LAMA2: variants seen among roughly 807,000 people sequenced by gnomAD.
The protein encoded by LAMA2 is laminin subunit alpha 2.
Under a neutral mutation model 364.8 loss-of-function variants are expected in LAMA2, and 269 were observed. The ratio of observed to expected loss-of-function variants is 0.74; its 90% CI spans 0.67 to 0.82. The LOEUF (loss-of-function observed/expected upper bound fraction) is 0.82. LAMA2 is among the 40% of genes least tolerant of loss of function. The pLI, the probability that LAMA2 is intolerant of heterozygous loss-of-function variation, is 0.00. For synonymous variants in LAMA2, 1,379 were observed against 1,370.6 expected (o/e 1.01, Z -0.14); for missense variants, 3,807 against 3,873.2 (o/e 0.98, Z 0.45).
chr6:129,316,311 C>T, intron 27 of LAMA2, 140 bp downstream of exon 27: 1 of 693,952 alleles, frequency 1.4e-6, no homozygotes, highest in East Asian at 2.7e-5. Flanking sequence ...TGGAGGCTTC[C>T]CTGTGACCTG....
At chr6:129,417,498 G>T (rs1780858639) in intron 40 of LAMA2, among the ~76,000 whole-genome samples, 1 of 152,064 alleles carries the variant, frequency 6.6e-6, no homozygotes, top group Non-Finnish European at 1.5e-5. Context: ...CCCAAAAAAA[G>T]CACCATAAGT....
At chr6:129,120,460 G>T (rs1273328182) in intron 4 of LAMA2, among the ~76,000 whole-genome samples, 3 of 152,034 alleles carry the variant, frequency 2.0e-5, no homozygotes, top group Non-Finnish European at 4.4e-5. Context: ...GGTTTTATCA[G>T]GATCAGACTA....
intron 3 of LAMA2, among the ~76,000 whole-genome samples, chr6:129,076,583 C>T (rs1562216974): frequency 6.8e-6 from 1 of 147,806 alleles, no homozygotes; most frequent in Non-Finnish European, 1.5e-5. Context: ...TTTGGAAGCT[C>T]CCACCCTAGC....
chr6:129,032,934 C>T (rs1221389752), intron 1 of LAMA2, among the ~76,000 whole-genome samples: 2 of 152,066 alleles, frequency 1.3e-5, no homozygotes, highest in East Asian at 1.9e-4. Flanking sequence ...GGTGTCCCTT[C>T]GGGTGGGGAT....
At chr6:128,922,352 C>T (rs535493898) in intron 1 of LAMA2, among the ~76,000 whole-genome samples, 12 of 151,706 alleles carry the variant, frequency 7.9e-5, no homozygotes, top group Non-Finnish European at 1.3e-4. Flanking sequence ...TATTTCTCCA[C>T]ATCCTCTCCA....
intron 1 of LAMA2, among the ~76,000 whole-genome samples, chr6:129,049,405 G>A (rs1184236140): frequency 2.0e-5 from 3 of 152,100 alleles, no homozygotes; most frequent in Non-Finnish European, 4.4e-5. Flanking sequence ...GTATTCCAAA[G>A]TAAACATTAT....
intron 1 of LAMA2, among the ~76,000 whole-genome samples, chr6:128,940,397 A>G (rs1780078871): frequency 1.3e-5 from 2 of 152,080 alleles, no homozygotes; most frequent in Admixed American, 1.3e-4. Context: ...CTTCTTTATT[A>G]TAAGCTTTAA....
intron 20 of LAMA2, 64 bp downstream of exon 20, chr6:129,291,784 A>T: frequency 9.3e-7 from 1 of 1,078,106 alleles, no homozygotes. Flanking sequence ...GCTTTTCATG[A>T]CATGTTTTGT....
chr6:129,226,721 C>A (rs887018314), intron 12 of LAMA2, among the ~76,000 whole-genome samples: 1 of 152,080 alleles, frequency 6.6e-6, no homozygotes, highest in Admixed American at 6.6e-5. Context: ...TGATGGGCTT[C>A]CCTTTGAGGG....
intron 37 of LAMA2, among the ~76,000 whole-genome samples, chr6:129,395,013 T>G (rs1779527328): frequency 6.6e-6 from 1 of 152,216 alleles, no homozygotes; most frequent in African/African-American, 2.4e-5. Flanking sequence ...TATTTATGGT[T>G]GCTTAAACCA....
At chr6:129,387,579 C>A (rs1435682261) in intron 35 of LAMA2, among the ~76,000 whole-genome samples, 3 of 152,210 alleles carry the variant, frequency 2.0e-5, no homozygotes, top group Admixed American at 1.3e-4. Context: ...GAATATAAAT[C>A]ATTCTACTCT....
At chr6:129,502,806 A>C in intron 59 of LAMA2, 35 bp downstream of exon 59, 6 of 1,309,398 alleles carry the variant, frequency 4.6e-6, no homozygotes, top group Non-Finnish European at 6.6e-6. Context: ...GAAAGAACCG[A>C]TAAATGAAGA....
At chr6:129,018,242 CTT>C (rs955944893) in intron 1 of LAMA2, among the ~76,000 whole-genome samples, 1 of 151,812 alleles carries the variant, frequency 6.6e-6, no homozygotes, top group Non-Finnish European at 1.5e-5. Context: ...ATTAAAAAGA[CTT>C]TATTAAAATA....
At chr6:129,152,474 G>C (rs1459997012) in intron 7 of LAMA2, among the ~76,000 whole-genome samples, 1 of 152,134 alleles carries the variant, frequency 6.6e-6, no homozygotes, top group Non-Finnish European at 1.5e-5. Flanking sequence ...TTACCCTATA[G>C]ATATATTCAT....
intron 40 of LAMA2, among the ~76,000 whole-genome samples, chr6:129,411,020 T>C (rs1017423913): frequency 1.3e-5 from 2 of 152,196 alleles, no homozygotes; most frequent in Non-Finnish European, 1.5e-5. Context: ...CTTTTTGTTC[T>C]ATTCAGCCCT....
intron 58 of LAMA2, among the ~76,000 whole-genome samples, chr6:129,499,901 T>A (rs1178804978): frequency 6.9e-6 from 1 of 144,488 alleles, no homozygotes; most frequent in African/African-American, 2.9e-5. Context: ...ATTTTTTTAA[T>A]TTTTTTGTTG....
rs754714449 is a variant in LAMA2, at chr6:129,287,873, C to T, written c.2564C>T (p.Pro855Leu). ...TGTGCAGAAGGCTATTTTGGACAACCCTCTGTACCTGGAGGATCATGTCAG... is the reference window on the plus strand; with the variant it reads ...TGTGCAGAAGGCTATTTTGGACAACTCTCTGTACCTGGAGGATCATGTCAG... ...ERCAEGYFGQ[P>L]SVPGGSCQPC... The change falls in exon 19 of 65, where the codon CCC becomes CTC. Residue 855 changes from proline (P) to leucine (L), a missense_variant. Pro to Leu is a moderately conservative substitution (Grantham distance 98, BLOSUM62 -3). Transcript: ENST00000421865. The T allele has an allele frequency of 3.1e-6, 5 of 1,613,752 alleles. No individual in the cohort carries two copies. In the Admixed American group the frequency reaches 5.0e-5, roughly 16 times the overall value.
intron 22 of LAMA2, among the ~76,000 whole-genome samples, chr6:129,306,206 G>A (rs949124046): frequency 2.0e-5 from 3 of 149,782 alleles, no homozygotes; most frequent in African/African-American, 4.9e-5. Flanking sequence ...ATTCCTTTGT[G>A]TACATTAAAA....
chr6:129,104,525 A>G (rs1775712359), intron 4 of LAMA2, among the ~76,000 whole-genome samples: 1 of 152,210 alleles, frequency 6.6e-6, no homozygotes, highest in African/African-American at 2.4e-5. Flanking sequence ...TCTTTAGAAC[A>G]TTAGAGCTGA....
Sources: gnomAD v4.1 joint callset for allele counts (sites outside exome capture counted in the v4.1 genomes callset) on GRCh38, gnomAD v4.1.1 for gene constraint, MANE v1.5 for transcripts, NCBI Gene and HGNC (gene_info 2026-07-23, HGNC 2026-07-21) for gene names.